Variants in RBFOX1 observed in about 807,000 individuals in gnomAD.
The protein encoded by RBFOX1 is RNA binding protein fox-1 homolog 1.
RBFOX1 carries 8 observed loss-of-function variants against 57.7 expected under a neutral mutation model. That is an observed-to-expected ratio of 0.14 (90% CI 0.08 to 0.25). The LOEUF is 0.25. RBFOX1 is among the 10% of genes least tolerant of loss of function. The pLI is 1.00. For missense variants in RBFOX1, 611 were observed against 548.5 expected, an observed-to-expected ratio of 1.11 and a Z score of -1.14; for synonymous variants, 326 against 222.4, an observed-to-expected ratio of 1.47 and a Z score of -4.15.
intron 4 of RBFOX1, among the ~76,000 whole-genome samples, chr16:7,063,639 G>A (rs2055166135): frequency 6.6e-6 from 1 of 152,068 alleles, no homozygotes; most frequent in Non-Finnish European, 1.5e-5. Context: ...AATGCTATTG[G>A]CCCTTCATAT....
intron 4 of RBFOX1, among the ~76,000 whole-genome samples, chr16:7,183,641 G>A (rs1049198508): frequency 8.5e-5 from 13 of 152,140 alleles, no homozygotes; most frequent in African/African-American, 3.1e-4. Context: ...TCCCGAAGCA[G>A]GAACATGTAT....
At chr16:6,901,914 G>T (rs554801236) in intron 3 of RBFOX1, among the ~76,000 whole-genome samples, 11 of 152,256 alleles carry the variant, frequency 7.2e-5, no homozygotes, top group African/African-American at 2.4e-4. Context: ...TTGCCATCTG[G>T]CTTTTAAGCA....
intron 4 of RBFOX1, among the ~76,000 whole-genome samples, chr16:5,969,593 AT>A (rs1411383356): frequency 2.0e-5 from 3 of 149,970 alleles, no homozygotes; most frequent in Non-Finnish European, 2.9e-5. Flanking sequence ...CAGTGCTGGG[AT>A]TACAGGTGTG....
intron 3 of RBFOX1, among the ~76,000 whole-genome samples, chr16:6,678,508 A>G (rs1203669151): frequency 6.6e-6 from 1 of 151,586 alleles, no homozygotes; most frequent in Non-Finnish European, 1.5e-5. Flanking sequence ...TCTAGTGTGC[A>G]TTTTACACTT....
chr16:6,450,741 T>A lies in RBFOX1; in HGVS notation c.-64+133684T>A, dbSNP rs1351550067. Among the ~76,000 whole-genome samples, 23 of 76,078 alleles carry A rather than the reference T, an allele frequency of 3.0e-4. No homozygotes were observed. In the South Asian group the frequency reaches 9.2e-3, roughly 31 times the overall value. The allele number at this position is 76,078 out of a possible 152,430, so 49.9% of individuals were successfully genotyped here. A position where few individuals can be genotyped will look rare whatever the true frequency, so the allele number is the denominator to read the frequency against. ...TGTGGTGGTGGCAGGGGAATAAATT[T>A]TATATATATATACATATATATATGT... is the stretch of plus-strand genomic sequence containing the variant. On this transcript the variant is annotated intron_variant, in intron 2 of 15. Coordinates refer to ENST00000550418, the MANE Select transcript of RBFOX1 (RefSeq NM_018723.4).
At chr16:5,493,578 A>G (rs1375834033) in intron 2 of RBFOX1, among the ~76,000 whole-genome samples, 1 of 152,202 alleles carries the variant, frequency 6.6e-6, no homozygotes, top group Non-Finnish European at 1.5e-5. Context: ...ATGGGACAGA[A>G]TATTTTCCAT....
intron 4 of RBFOX1, among the ~76,000 whole-genome samples, chr16:5,879,979 C>A (rs1045505777): frequency 1.3e-5 from 2 of 152,178 alleles, no homozygotes; most frequent in Non-Finnish European, 2.9e-5. Flanking sequence ...AACAAGAGGC[C>A]TGAGAAGGTG....
chr16:7,130,794 A>G (rs377435421), intron 4 of RBFOX1, among the ~76,000 whole-genome samples: 1 of 152,218 alleles, frequency 6.6e-6, no homozygotes, highest in Admixed American at 6.5e-5. Flanking sequence ...CTTTTAAAAA[A>G]TGGAGGAAAA....
chr16:5,281,087 C>G (rs1349835769), intron 1 of RBFOX1, among the ~76,000 whole-genome samples: 2 of 152,064 alleles, frequency 1.3e-5, no homozygotes, highest in African/African-American at 2.4e-5. Context: ...AAACTTCCCT[C>G]CTAGTACTGC....
intron 1 of RBFOX1, among the ~76,000 whole-genome samples, chr16:6,258,632 G>T (rs1291421322): frequency 6.6e-6 from 1 of 152,094 alleles, no homozygotes; most frequent in Non-Finnish European, 1.5e-5. Flanking sequence ...ATTTCATCTT[G>T]TCCTGCAATA....
intron 1 of RBFOX1, among the ~76,000 whole-genome samples, chr16:5,255,652 C>A (rs1395207761): frequency 6.6e-6 from 1 of 151,592 alleles, no homozygotes; most frequent in African/African-American, 2.4e-5. Context: ...ACTCAACCAT[C>A]CATTCATTCG....
At chr16:7,027,670 C>T (rs1449607672) in intron 3 of RBFOX1, among the ~76,000 whole-genome samples, 4 of 152,140 alleles carry the variant, frequency 2.6e-5, no homozygotes, top group Non-Finnish European at 5.9e-5. Context: ...AAAGACATGG[C>T]AGGGAAGGTT....
intron 2 of RBFOX1, among the ~76,000 whole-genome samples, chr16:6,644,104 C>A (rs1018829844): frequency 8.5e-5 from 13 of 152,156 alleles, no homozygotes; most frequent in African/African-American, 3.1e-4. Context: ...CCAACCTGGG[C>A]AACAGAGCGA....
In RBFOX1 at chr16:6,542,483, CTTTTTTTTTTTT is replaced by C. The variant is rs71145245; in HGVS notation, c.-63-112107_-63-112096del. ...CCACTGCCCTGTGTGGGACCATAGT[CTTTTTTTTTTTT>C]TTTTTTTTTTTTGAGCAGGAGTCTT... On this transcript the variant is annotated intron_variant, in intron 2 of 15. Coordinates refer to ENST00000550418, the MANE Select transcript of RBFOX1 (RefSeq NM_018723.4). Among the ~76,000 whole-genome samples the C allele has an allele frequency of 1.1e-4, 6 of 55,730 alleles. 1 individual carries two copies. Among genetic ancestry groups the C allele is most frequent in the African/African-American group, 4.5e-4 (6 of 13,234 alleles). 36.6% of individuals were successfully genotyped at this position (55,730 alleles called of 152,430 possible).
chr16:5,739,745 G>C (rs2052709411), intron 3 of RBFOX1, among the ~76,000 whole-genome samples: 1 of 152,234 alleles, frequency 6.6e-6, no homozygotes, highest in African/African-American at 2.4e-5. Context: ...CTGTGTTGTA[G>C]AAGCAGAGAG....
chr16:6,980,152 C>T (rs561668397), intron 3 of RBFOX1, among the ~76,000 whole-genome samples: 1 of 152,264 alleles, frequency 6.6e-6, no homozygotes, highest in South Asian at 2.1e-4. Flanking sequence ...AATCCCTCTT[C>T]AATTAAGCCT....
chr16:7,422,507 C>A (rs1163065578), intron 4 of RBFOX1, among the ~76,000 whole-genome samples: 1 of 152,168 alleles, frequency 6.6e-6, no homozygotes, highest in Non-Finnish European at 1.5e-5. Flanking sequence ...GGTGGAATTG[C>A]TTGCACTCCG....
At chr16:7,114,817 C>G (rs2065536323) in intron 4 of RBFOX1, among the ~76,000 whole-genome samples, 1 of 152,166 alleles carries the variant, frequency 6.6e-6, no homozygotes, top group South Asian at 2.1e-4. Context: ...GGTGTGATAG[C>G]TGTAGTGGTT....
rs561504169 is a variant in RBFOX1 at position 6,451,013 on chromosome 16, T to C, written c.-64+133956T>C. 2.0e-3 allele frequency among the ~76,000 whole-genome samples: 304 copies of C among 149,696 alleles called. 1 individual carries two copies. Among genetic ancestry groups the C allele is most frequent in the African/African-American group, 7.1e-3 (288 of 40,680 alleles). On this transcript the variant is annotated intron_variant, in intron 2 of 15. Transcript: ENST00000550418. ...CAATAGGGATTAGTGGGTACTGCCA[T>C]AAATAGACAGGATATTTTCCATTCT...
Sources: gnomAD v4.1 joint callset for allele counts (sites outside exome capture counted in the v4.1 genomes callset) on GRCh38, gnomAD v4.1.1 for gene constraint, MANE v1.5 for transcripts, NCBI Gene and HGNC (gene_info 2026-07-23, HGNC 2026-07-21) for gene names.